Variants in RIPK1 observed in about 807,000 individuals in gnomAD.
The protein encoded by RIPK1 is receptor interacting serine/threonine kinase 1, also known as receptor-interacting serine/threonine-protein kinase 1.
A neutral mutation model predicts 62.4 loss-of-function variants in RIPK1; 27 were observed. The ratio of observed to expected loss-of-function variants is 0.43; its 90% CI spans 0.32 to 0.60. The LOEUF (loss-of-function observed/expected upper bound fraction) is 0.60. Ranked by LOEUF, RIPK1 falls within the 20% of genes least tolerant of loss-of-function variation. The pLI, the probability that RIPK1 is intolerant of heterozygous loss-of-function variation, is 0.07. For missense variants in RIPK1, 735 were observed against 831.0 expected (o/e 0.88, Z 1.42); for synonymous variants, 287 against 303.2 (o/e 0.95, Z 0.55).
At chr6:3,085,475 T>TA in intron 6 of RIPK1, 67 bp downstream of exon 6, 1 of 1,548,810 alleles carries the variant, frequency 6.5e-7, no homozygotes, top group South Asian at 1.2e-5. Flanking sequence ...AACATATTGT[T>TA]AGGAACTTGG....
intron 7 of RIPK1, among the ~76,000 whole-genome samples, chr6:3,102,816 G>A (rs1760653714): frequency 6.6e-6 from 1 of 152,102 alleles, no homozygotes; most frequent in Non-Finnish European, 1.5e-5. Context: ...TGTTGTCCAG[G>A]CTGGTCTCAA....
intron 1 of RIPK1, among the ~76,000 whole-genome samples, chr6:3,073,360 T>C (rs1451248918): frequency 6.6e-6 from 1 of 152,102 alleles, no homozygotes; most frequent in Admixed American, 6.5e-5. Context: ...GAGGTGGTCA[T>C]TATTGTTTCA....
chr6:3,111,017 A>G, intron 10 of RIPK1, 62 bp downstream of exon 10: 2 of 1,177,082 alleles, frequency 1.7e-6, no homozygotes, highest in Non-Finnish European at 2.3e-6. Flanking sequence ...TGTGAGAAGG[A>G]CATAGTGGAA....
upstream of RIPK1, among the ~76,000 whole-genome samples, chr6:3,065,367 T>C (rs1156721969): frequency 1.3e-5 from 2 of 149,196 alleles, no homozygotes; most frequent in Non-Finnish European, 3.0e-5. Flanking sequence ...TGTCCAAGGC[T>C]CTCCAGTGCT....
upstream of RIPK1, among the ~76,000 whole-genome samples, chr6:3,065,302 T>C: frequency 6.9e-6 from 1 of 144,758 alleles, no homozygotes; most frequent in African/African-American, 2.6e-5. Context: ...GACACGGCTT[T>C]CTGAGGTGCC....
chr6:3,083,174 T>TAAG lies in RIPK1; in HGVS notation c.555_557dup (p.Lys185dup), dbSNP rs752912142. ...AGCTGAGGGAAGTGGACGGCACCGC[T>TAAG]AAGAAGAATGGCGGCACCCTCTACT... On this transcript the variant is annotated inframe_insertion, in exon 5 of 11. Transcript: ENST00000259808. 4 of 1,614,018 alleles carry TAAG rather than the reference T, an allele frequency of 2.5e-6. No individual in the cohort carries two copies. Among genetic ancestry groups the TAAG allele is most frequent in the Non-Finnish European group, 3.4e-6 (4 of 1,179,984 alleles).
chr6:3,105,225 T>C lies in RIPK1; in HGVS notation c.1007-257T>C, dbSNP rs946130660. On this transcript the variant is annotated intron_variant, in intron 8 of 10. Coordinates refer to ENST00000259808, the MANE Select transcript of RIPK1 (RefSeq NM_001354930.2). The surrounding 1 kb of genome is among the most constrained non-coding windows in gnomAD (Gnocchi z 4.5). ...TCTGCTCCAAACCAAGTCCCTTTTT[T>C]CCTTGATCATCCCTGCAACAGCCGC... is the stretch of plus-strand genomic sequence containing the variant. Among the ~76,000 whole-genome samples, 1 of 152,160 alleles carries C rather than the reference T, an allele frequency of 6.6e-6. No homozygotes were observed. Among genetic ancestry groups the C allele is most frequent in the African/African-American group, 2.4e-5 (1 of 41,432 alleles).
chr6:3,066,526 GAT>G (rs1758387994), upstream of RIPK1, among the ~76,000 whole-genome samples: 1 of 152,012 alleles, frequency 6.6e-6, no homozygotes, highest in African/African-American at 2.4e-5. Flanking sequence ...CGTCTTTTTT[GAT>G]ATGTGTACAT....
intron 1 of RIPK1, among the ~76,000 whole-genome samples, chr6:3,074,220 C>A (rs910013096): frequency 6.6e-6 from 1 of 152,162 alleles, no homozygotes; most frequent in African/African-American, 2.4e-5. Context: ...TGCTCACAGG[C>A]GGCCAGTGTT....
chr6:3,085,420 T>C lies in RIPK1; in HGVS notation c.838+12T>C. On this transcript the variant is annotated intron_variant, in intron 6 of 10. Transcript: ENST00000259808. ...GCCGACATTTCCTGGTAAGAGCATC[T>C]TTTCTGACTGTGTAGGATGCATCCT... 6.2e-7 allele frequency: 1 copy of C among 1,613,990 alleles called. No individual in the cohort carries two copies. Among genetic ancestry groups the C allele is most frequent in the Non-Finnish European group, 8.5e-7 (1 of 1,179,892 alleles).
chr6:3,089,778 A>C, intron 7 of RIPK1, 121 bp downstream of exon 7: 2 of 654,520 alleles, frequency 3.1e-6, no homozygotes, highest in Non-Finnish European at 5.5e-6. Context: ...GTAAACATAT[A>C]AAACAAAATG....
rs1288773335 is a variant in RIPK1, at chr6:3,085,979, A to G, written c.838+571A>G. Reference sequence around the variant, plus strand: ...TGTATGAATGGAGTGCATTTTGTTTATCCATTCGTCCGTCTATGGGCACTT... The same window carrying G: ...TGTATGAATGGAGTGCATTTTGTTTGTCCATTCGTCCGTCTATGGGCACTT... On this transcript the variant is annotated intron_variant, in intron 6 of 10. Transcript: ENST00000259808. Among the ~76,000 whole-genome samples, 4 of 152,296 alleles carry G rather than the reference A, an allele frequency of 2.6e-5. No homozygotes were observed. The East Asian group carries it at 7.7e-4, about 29-fold the overall frequency.
upstream of RIPK1, among the ~76,000 whole-genome samples, chr6:3,067,444 G>A (rs1758430161): frequency 6.6e-6 from 1 of 152,114 alleles, no homozygotes; most frequent in Admixed American, 6.5e-5. Flanking sequence ...TCTAATAAAT[G>A]TGTAATAGTA....
rs746209638 is a variant in RIPK1 at position 3,113,184 on chromosome 6, C to A, written c.1861C>A (p.Arg621=). ...QIDEIDHDYE[R]DGLKEKVYQM... Reference sequence around the variant, plus strand: ...TGATGAAATTGACCATGACTATGAGCGAGATGGACTGAAAGAAAAGGTTTA... The same window carrying A: ...TGATGAAATTGACCATGACTATGAGAGAGATGGACTGAAAGAAAAGGTTTA... The change falls in exon 11 of 11, where the codon CGA becomes AGA. Residue 621 remains arginine (R), a synonymous_variant. Coordinates refer to ENST00000259808, the MANE Select transcript of RIPK1 (RefSeq NM_001354930.2). The surrounding 1 kb of genome is among the most constrained non-coding windows in gnomAD (Gnocchi z 5.0). 5 of 1,613,768 alleles carry A rather than the reference C, an allele frequency of 3.1e-6. No homozygotes were observed. Among genetic ancestry groups the A allele is most frequent in the African/African-American group, 2.7e-5 (2 of 74,882 alleles).
Position 3,085,307 on chromosome 6 carries a change from G to C in RIPK1, c.737G>C (p.Arg246Thr), listed in dbSNP as rs777654180. ...QLIMCIKSGN[R>T]PDVDDITEYC... ...ATAATGTGCATAAAATCTGGGAACA[G>C]GCCAGATGTGGATGACATCACTGAG... The change falls in exon 6 of 11, where the codon AGG (arginine) becomes ACG (threonine). Residue 246 changes from arginine (R) to threonine (T), a missense_variant. Transcript: ENST00000259808. 1 of 1,614,208 alleles carries C rather than the reference G, an allele frequency of 6.2e-7. No homozygotes were observed. Among genetic ancestry groups the C allele is most frequent in the African/African-American group, 1.3e-5 (1 of 75,072 alleles).
rs1347998003 is a variant in RIPK1 at position 3,113,240 on chromosome 6, A to C, written c.1917A>C (p.Glu639Asp). The C allele has an allele frequency of 6.2e-7, 1 of 1,614,026 alleles. No individual in the cohort carries two copies. Among genetic ancestry groups the C allele is most frequent in the Admixed American group, 1.7e-5 (1 of 60,002 alleles). The change falls in exon 11 of 11, where the codon GAA (glutamate) becomes GAC (aspartate). Residue 639 changes from glutamate (E) to aspartate (D), a missense_variant. Glu to Asp is a conservative substitution (Grantham distance 45). Around this residue, in one of 2 missense-constraint regions of RIPK1, gnomAD observed 64 missense variants for 104.8 expected, o/e 0.61. Coordinates refer to ENST00000259808, the MANE Select transcript of RIPK1 (RefSeq NM_001354930.2). The surrounding 1 kb of genome is among the most constrained non-coding windows in gnomAD (Gnocchi z 5.0). ...YQMLQKWVMREGIKGATVGKL... is the reference protein window; with the variant it reads ...YQMLQKWVMRDGIKGATVGKL... ...TGCTCCAAAAGTGGGTGATGAGGGA[A>C]GGCATAAAGGGAGCCACGGTGGGGA...
rs537037462 is a variant in RIPK1 at position 3,076,307 on chromosome 6, G to GT, written c.-60-456dup. Among the ~76,000 whole-genome samples the GT allele has an allele frequency of 5.3e-5, 8 of 152,254 alleles. No individual in the cohort carries two copies. In the South Asian group the frequency reaches 1.7e-3, roughly 32 times the overall value. ...ATGAAAAATAGCTCATCAGATGACT[G>GT]TAAGTCTATCCTCAGAAATCCAAGG... is the stretch of plus-strand genomic sequence containing the variant. On this transcript the variant is annotated intron_variant, in intron 1 of 10. Transcript: ENST00000259808.
At chr6:3,065,700 T>C (rs1456686857), upstream of RIPK1, among the ~76,000 whole-genome samples, 1 of 152,228 alleles carries the variant, frequency 6.6e-6, no homozygotes. Flanking sequence ...ATTCACACTT[T>C]GGCCTCCACG....
Position 3,113,286 on chromosome 6 carries a change from C to T in RIPK1, c.1963C>T (p.Gln655Ter). The change falls in exon 11 of 11, where the codon CAG becomes TAG. Residue 655 changes from glutamine to a stop codon, truncating the protein, a stop_gained. Transcript: ENST00000259808. LOFTEE classifies it low-confidence loss of function (END_TRUNC). This position sits in a 1 kb window ranked among gnomAD's most constrained non-coding sequence, Gnocchi z 5.0. The part of the protein sequence containing the change: ...TVGKLAQALH[Q>*]CSRIDLLSSL... ...GGGGAAGCTGGCCCAGGCGCTCCAC[C>T]AGTGTTCCAGGATCGACCTTCTGAG... 6.2e-7 allele frequency: 1 copy of T among 1,614,112 alleles called. No individual in the cohort carries two copies. Among genetic ancestry groups the T allele is most frequent in the Non-Finnish European group, 8.5e-7 (1 of 1,180,006 alleles).
Sources: allele counts gnomAD v4.1 joint callset (sites outside exome capture counted in the v4.1 genomes callset), GRCh38; gene constraint gnomAD v4.1.1; regional missense constraint gnomAD v4.1.1; non-coding constraint Gnocchi (gnomAD v3.1); transcripts MANE v1.5; gene names NCBI Gene and HGNC (gene_info 2026-07-23, HGNC 2026-07-21).